Variants in PPM1E observed in about 807,000 individuals in gnomAD.
The protein encoded by PPM1E is protein phosphatase, Mg2+/Mn2+ dependent 1E.
In PPM1E, 20 loss-of-function variants were observed where a neutral mutation model predicts 65.9. That is an observed-to-expected ratio of 0.30 (90% confidence interval 0.21 to 0.44). PPM1E has a LOEUF of 0.44. Ranked by LOEUF, PPM1E falls within the 20% of genes least tolerant of loss-of-function variation. The pLI is 1.00. For missense variants in PPM1E, 713 were observed against 953.1 expected (o/e 0.75, Z 3.32); for synonymous variants, 352 against 374.9 (o/e 0.94, Z 0.70).
At chr17:58,905,353 A>G (rs999149968) in intron 1 of PPM1E, among the ~76,000 whole-genome samples, 1 of 152,174 alleles carries the variant, frequency 6.6e-6, no homozygotes, top group Non-Finnish European at 1.5e-5. Context: ...TTTTATAGAT[A>G]TTCTTTATTA....
intron 1 of PPM1E, among the ~76,000 whole-genome samples, chr17:58,776,069 G>A (rs946247114): frequency 7.9e-5 from 12 of 151,824 alleles, no homozygotes; most frequent in Non-Finnish European, 1.6e-4. Context: ...AGACATGGTG[G>A]CTCACGCACT....
intron 1 of PPM1E, among the ~76,000 whole-genome samples, chr17:58,836,287 T>C (rs891945465): frequency 3.3e-5 from 5 of 151,966 alleles, no homozygotes; most frequent in African/African-American, 1.2e-4. Context: ...CTATATATAA[T>C]ATTAAGATTA....
chr17:58,899,216 T>C (rs894368039), intron 1 of PPM1E, among the ~76,000 whole-genome samples: 1 of 151,890 alleles, frequency 6.6e-6, no homozygotes, highest in Non-Finnish European at 1.5e-5. Context: ...TGTCATGGTG[T>C]TCCAGCTACT....
At chr17:58,907,229 C>A (rs1272168134) in intron 1 of PPM1E, among the ~76,000 whole-genome samples, 2 of 149,772 alleles carry the variant, frequency 1.3e-5, no homozygotes, top group Non-Finnish European at 3.0e-5. Context: ...CTGGGAGACA[C>A]GATGAGACTC....
At chr17:58,889,812 T>G (rs1213356926) in intron 1 of PPM1E, among the ~76,000 whole-genome samples, 1 of 152,174 alleles carries the variant, frequency 6.6e-6, no homozygotes, top group Non-Finnish European at 1.5e-5. Flanking sequence ...TCAAAATACC[T>G]CATAATACCA....
intron 1 of PPM1E, among the ~76,000 whole-genome samples, chr17:58,942,987 C>T (rs368748920): frequency 6.6e-6 from 1 of 152,002 alleles, no homozygotes; most frequent in African/African-American, 2.4e-5. Context: ...TGTGCCACTG[C>T]ACTCCAGCCT....
chr17:58,848,894 A>G (rs939620434), intron 1 of PPM1E, among the ~76,000 whole-genome samples: 1 of 152,190 alleles, frequency 6.6e-6, no homozygotes, highest in African/African-American at 2.4e-5. Flanking sequence ...CTGTGAATCC[A>G]TCTGGTCCTG....
intron 1 of PPM1E, among the ~76,000 whole-genome samples, chr17:58,953,126 G>A (rs2052263240): frequency 6.6e-6 from 1 of 152,218 alleles, no homozygotes; most frequent in South Asian, 2.1e-4. Context: ...CGTTCCCAGA[G>A]GGGGAAACCA....
At chr17:58,780,562 C>CT (rs2050040692) in intron 1 of PPM1E, among the ~76,000 whole-genome samples, 1 of 152,098 alleles carries the variant, frequency 6.6e-6, no homozygotes. Context: ...CTGTGATTTG[C>CT]TTGTTTATAT....
chr17:58,865,876 G>A (rs898802897), intron 1 of PPM1E, among the ~76,000 whole-genome samples: 1 of 152,148 alleles, frequency 6.6e-6, no homozygotes, highest in African/African-American at 2.4e-5. Flanking sequence ...TACATCCCTA[G>A]GCACAGAATT....
intron 6 of PPM1E, among the ~76,000 whole-genome samples, chr17:58,979,593 A>G (rs1174490551): frequency 6.6e-6 from 1 of 152,210 alleles, no homozygotes; most frequent in Non-Finnish European, 1.5e-5. Context: ...ACCACCTGCA[A>G]AAGAACAGAT....
intron 1 of PPM1E, among the ~76,000 whole-genome samples, chr17:58,789,232 T>C (rs1476389628): frequency 6.6e-6 from 1 of 152,206 alleles, no homozygotes; most frequent in Non-Finnish European, 1.5e-5. Context: ...AACATTTTAC[T>C]TTTCATTTCA....
Position 58,979,957 on chromosome 17 carries a change from C to T in PPM1E, c.1211-17C>T, listed in dbSNP as rs1488554017. The T allele has an allele frequency of 2.5e-6, 4 of 1,597,142 alleles. No homozygotes were observed. The highest frequency in any genetic ancestry group is 1.7e-5 in the Admixed American group (1 of 59,078). ...AAAACAAATGCTAATGATGCCCCTA[C>T]ACTCTGCTTCCCGCAGGAGATGCTG... is the stretch of plus-strand genomic sequence containing the variant. On this transcript the variant is annotated splice_polypyrimidine_tract_variant and intron_variant, in intron 6 of 6. Coordinates refer to ENST00000308249, the MANE Select transcript of PPM1E (RefSeq NM_014906.5).
At chr17:58,888,185 A>G (rs1170584545) in intron 1 of PPM1E, among the ~76,000 whole-genome samples, 1 of 152,174 alleles carries the variant, frequency 6.6e-6, no homozygotes, top group Non-Finnish European at 1.5e-5. Context: ...CCTGAAGTTC[A>G]GAAGAGAGGT....
rs182378675 is a variant in PPM1E, at chr17:58,910,718, A to G, written c.465-44931A>G. Among the ~76,000 whole-genome samples, 533 of 152,192 alleles carry G rather than the reference A, an allele frequency of 3.5e-3. 1 individual carries two copies. Among genetic ancestry groups the G allele is most frequent in the Non-Finnish European group, 5.1e-3 (344 of 68,006 alleles). ...ACTGTGAGCTTCACATATTGTTCTC[A>G]GGGTTGGTTTTGTTTTTTCCTCCAC... On this transcript the variant is annotated intron_variant, in intron 1 of 6. Transcript: ENST00000308249.
intron 1 of PPM1E, among the ~76,000 whole-genome samples, chr17:58,875,721 A>G (rs1195278773): frequency 6.6e-6 from 1 of 152,178 alleles, no homozygotes; most frequent in Non-Finnish European, 1.5e-5. Flanking sequence ...ACAAAAACCT[A>G]TATTTAGTAA....
chr17:58,778,755 G>A (rs1349798210), intron 1 of PPM1E, among the ~76,000 whole-genome samples: 1 of 151,502 alleles, frequency 6.6e-6, no homozygotes, highest in Non-Finnish European at 1.5e-5. Flanking sequence ...TTTACATAGC[G>A]TTTTGTTCTG....
At chr17:58,787,636 C>T (rs770435814) in intron 1 of PPM1E, among the ~76,000 whole-genome samples, 43 of 152,014 alleles carry the variant, frequency 2.8e-4, no homozygotes, top group Non-Finnish European at 4.7e-4. Context: ...GGGCCAGGCA[C>T]GGTGGCTCAC....
chr17:58,851,142 T>G (rs1210878364), intron 1 of PPM1E, among the ~76,000 whole-genome samples: 1 of 152,194 alleles, frequency 6.6e-6, no homozygotes, highest in African/African-American at 2.4e-5. Flanking sequence ...ATTTAAGGGC[T>G]TCTCTACAAT....
Sources: allele counts gnomAD v4.1 joint callset (sites outside exome capture counted in the v4.1 genomes callset), GRCh38; gene constraint gnomAD v4.1.1; transcripts MANE v1.5; gene names NCBI Gene and HGNC (gene_info 2026-07-23, HGNC 2026-07-21).